The following MSRA variants were observed in gnomAD, a reference collection of about 807,000 sequenced individuals.
MSRA encodes the protein methionine sulfoxide reductase A, also known as mitochondrial peptide methionine sulfoxide reductase.
MSRA carries 54 observed loss-of-function variants against 31.3 expected under a neutral mutation model. That is an observed-to-expected ratio of 1.73 (90% CI 1.39 to 2.17). The LOEUF is 2.17. Among genes scored for constraint, MSRA ranks in the 30% most tolerant of loss-of-function variants. The pLI is 0.00. For missense variants in MSRA, 507 were observed against 300.9 expected (o/e 1.69, Z -5.07); for synonymous variants, 169 against 116.5 (o/e 1.45, Z -2.90).
intron 4 of MSRA, among the ~76,000 whole-genome samples, chr8:10,303,072 G>C (rs936602902): frequency 1.3e-5 from 2 of 152,234 alleles, no homozygotes; most frequent in African/African-American, 2.4e-5. Flanking sequence ...TCAGCCATTT[G>C]ACTGTCAAAG....
At chr8:10,293,561 C>T (rs115717318) in intron 3 of MSRA, among the ~76,000 whole-genome samples, 200 of 152,292 alleles carry the variant, frequency 1.3e-3, no homozygotes, top group African/African-American at 4.3e-3. Flanking sequence ...TGATTTTGGA[C>T]GAGCACTGTG....
At chr8:10,400,272 C>T (rs990524542) in intron 5 of MSRA, among the ~76,000 whole-genome samples, 1 of 151,070 alleles carries the variant, frequency 6.6e-6, no homozygotes, top group African/African-American at 2.4e-5. Flanking sequence ...GCCTGGGTTA[C>T]AGTGGAGAGG....
chr8:10,379,246 A>G (rs936665379), intron 5 of MSRA, among the ~76,000 whole-genome samples: 5 of 152,000 alleles, frequency 3.3e-5, no homozygotes, highest in African/African-American at 9.7e-5. Context: ...CCACTGCCCA[A>G]TGCCTAACCT....
chr8:10,070,414 T>G (rs538259461), intron 1 of MSRA, among the ~76,000 whole-genome samples: 1 of 152,350 alleles, frequency 6.6e-6, no homozygotes, highest in Admixed American at 6.5e-5. Context: ...CTGCTATTTT[T>G]TCAATTAAGT....
chr8:10,347,760 C>G (rs1163163125), intron 5 of MSRA, among the ~76,000 whole-genome samples: 1 of 152,198 alleles, frequency 6.6e-6, no homozygotes, highest in African/African-American at 2.4e-5. Flanking sequence ...GTTCATTACT[C>G]CTTGCCACAC....
At chr8:10,155,447 A>G (rs1443438185) in intron 1 of MSRA, among the ~76,000 whole-genome samples, 3 of 152,126 alleles carry the variant, frequency 2.0e-5, no homozygotes, top group South Asian at 2.1e-4. Context: ...TGCCATCCCA[A>G]TACGCACACA....
intron 3 of MSRA, among the ~76,000 whole-genome samples, chr8:10,248,466 C>G (rs912642173): frequency 2.0e-5 from 3 of 152,126 alleles, no homozygotes; most frequent in Non-Finnish European, 4.4e-5. Context: ...AGCATTATCT[C>G]AGCACACAGG....
chr8:10,342,551 A>G (rs950860227), intron 5 of MSRA, among the ~76,000 whole-genome samples: 2 of 152,218 alleles, frequency 1.3e-5, no homozygotes, highest in Non-Finnish European at 2.9e-5. Context: ...TCTTGATTGC[A>G]CAGGTTACCC....
intron 2 of MSRA, among the ~76,000 whole-genome samples, chr8:10,240,117 A>T (rs551860539): frequency 1.3e-5 from 2 of 152,314 alleles, no homozygotes; most frequent in South Asian, 4.1e-4. Flanking sequence ...GAAGGCAGGA[A>T]AGTCAAACAC....
At chr8:10,318,194 G>A (rs28590421) in intron 4 of MSRA, among the ~76,000 whole-genome samples, 36,028 of 152,114 alleles carry the variant, frequency 0.24, 4,573 homozygotes, top group East Asian at 0.33. Context: ...AGTTTAAATC[G>A]CAGGATGGCC....
At chr8:10,190,361 G>A (rs1216628258) in intron 1 of MSRA, among the ~76,000 whole-genome samples, 2 of 152,160 alleles carry the variant, frequency 1.3e-5, no homozygotes, top group Non-Finnish European at 2.9e-5. Context: ...GTCCGTGGCA[G>A]TGCCCAGCAT....
chr8:10,068,943 G>C (rs1797597268), intron 1 of MSRA, among the ~76,000 whole-genome samples: 1 of 152,088 alleles, frequency 6.6e-6, no homozygotes, highest in African/African-American at 2.4e-5. Context: ...CATTTATTTA[G>C]ATATATTTCT....
At chr8:10,306,102 A>G (rs1369380976) in intron 4 of MSRA, among the ~76,000 whole-genome samples, 1 of 151,910 alleles carries the variant, frequency 6.6e-6, no homozygotes, top group Non-Finnish European at 1.5e-5. Flanking sequence ...GGGTACCCAG[A>G]CTCCCACTGT....
intron 5 of MSRA, among the ~76,000 whole-genome samples, chr8:10,404,648 G>A (rs1448812485): frequency 2.0e-5 from 3 of 152,244 alleles, no homozygotes; most frequent in African/African-American, 4.8e-5. Flanking sequence ...CTGTGCTGCC[G>A]CGCCGCCCTC....
intron 4 of MSRA, among the ~76,000 whole-genome samples, chr8:10,301,923 T>G (rs1394097797): frequency 3.3e-5 from 5 of 152,360 alleles, no homozygotes; most frequent in East Asian, 1.9e-4. Flanking sequence ...CTTTGATTAT[T>G]GCATTATTCC....
intron 5 of MSRA, among the ~76,000 whole-genome samples, chr8:10,411,792 AGCT>A (rs2129189103): frequency 1.3e-5 from 2 of 152,388 alleles, no homozygotes; most frequent in Admixed American, 6.5e-5. Flanking sequence ...TTGCTTTTTA[AGCT>A]GCTGTTGAAA....
At chr8:10,070,675 C>G (rs1228425203) in intron 1 of MSRA, among the ~76,000 whole-genome samples, 1 of 152,166 alleles carries the variant, frequency 6.6e-6, no homozygotes, top group Non-Finnish European at 1.5e-5. Flanking sequence ...TGCCCATGTG[C>G]AACCTCTGGC....
chr8:10,283,938 T>A (rs926598984), intron 3 of MSRA, among the ~76,000 whole-genome samples: 23 of 150,884 alleles, frequency 1.5e-4, no homozygotes, highest in Non-Finnish European at 3.0e-4. Context: ...ATTTTGCAAT[T>A]GTGAATTGTG....
chr8:10,305,819 A>G (rs952686389), intron 4 of MSRA, among the ~76,000 whole-genome samples: 2 of 152,208 alleles, frequency 1.3e-5, no homozygotes, highest in Admixed American at 6.5e-5. Flanking sequence ...TTCCACAGCC[A>G]CTAGACAGTG....
Sources: allele counts gnomAD v4.1 joint callset (sites outside exome capture counted in the v4.1 genomes callset), GRCh38; gene constraint gnomAD v4.1.1; transcripts MANE v1.5; gene names NCBI Gene and HGNC (gene_info 2026-07-23, HGNC 2026-07-21).